UXS1: variants seen among roughly 807,000 people sequenced by gnomAD.
The protein encoded by UXS1 is UDP-glucuronate decarboxylase 1.
Under a neutral mutation model 62.6 loss-of-function variants are expected in UXS1, and 33 were observed. That is an observed-to-expected ratio of 0.53 (90% CI 0.40 to 0.70). The LOEUF (loss-of-function observed/expected upper bound fraction) is 0.70. Ranked by LOEUF, UXS1 falls within the 30% of genes least tolerant of loss-of-function variation. The pLI is 0.00. For missense variants in UXS1, 434 were observed against 556.3 expected, an observed-to-expected ratio of 0.78 and a Z score of 2.21; for synonymous variants, 213 against 206.8, an observed-to-expected ratio of 1.03 and a Z score of -0.26.
intron 6 of UXS1, among the ~76,000 whole-genome samples, chr2:106,136,717 T>A (rs1680662739): frequency 2.0e-5 from 1 of 50,632 alleles, no homozygotes; most frequent in Non-Finnish European, 3.7e-5. Flanking sequence ...AACAATGAGA[T>A]CACATGGACA....
chr2:106,145,783 G>T (rs960230817), intron 5 of UXS1, among the ~76,000 whole-genome samples: 2 of 152,146 alleles, frequency 1.3e-5, no homozygotes, highest in African/African-American at 4.8e-5. Context: ...TTAGCAAAAT[G>T]CAGAGATTTG....
intron 14 of UXS1, 95 bp downstream of exon 14, chr2:106,096,622 CG>C: frequency 8.5e-7 from 1 of 1,175,612 alleles, no homozygotes; most frequent in Non-Finnish European, 1.2e-6. Context: ...CTTGCTCCTC[CG>C]GGGGCTGTCT....
intron 1 of UXS1, 77 bp downstream of exon 1, chr2:106,194,071 C>G (rs1272077261): frequency 3.2e-6 from 4 of 1,267,112 alleles, no homozygotes; most frequent in South Asian, 3.5e-5. Flanking sequence ...CTCGGGGCCC[C>G]GAACCACCGC....
chr2:106,157,879 TC>T (rs1165562516), intron 5 of UXS1, among the ~76,000 whole-genome samples, 178 bp downstream of exon 5: 6 of 152,194 alleles, frequency 3.9e-5, no homozygotes, highest in African/African-American at 1.4e-4. Flanking sequence ...AGTACAGGAC[TC>T]TTTTTTGGGG....
chr2:106,124,468 T>G (rs1284799845), intron 8 of UXS1, among the ~76,000 whole-genome samples: 1 of 152,232 alleles, frequency 6.6e-6, no homozygotes, highest in Non-Finnish European at 1.5e-5. Context: ...TCATCTCCCC[T>G]TTCCAGCATT....
intron 5 of UXS1, among the ~76,000 whole-genome samples, chr2:106,155,300 CA>C (rs1035574600): frequency 1.3e-5 from 2 of 152,048 alleles, no homozygotes; most frequent in Non-Finnish European, 2.9e-5. Context: ...CCTAGATAAA[CA>C]AAAAATGAGA....
intron 9 of UXS1, among the ~76,000 whole-genome samples, chr2:106,114,390 T>C (rs1353463830): frequency 6.6e-6 from 1 of 152,008 alleles, no homozygotes. Context: ...AACTAATGAG[T>C]GTATTAAAAA....
chr2:106,129,959 G>A (rs1030443063), intron 6 of UXS1, among the ~76,000 whole-genome samples, 181 bp from the exon 7 acceptor site: 7 of 152,244 alleles, frequency 4.6e-5, no homozygotes, highest in African/African-American at 1.7e-4. Context: ...AAAATAGAAA[G>A]TCTAATTATT....
At chr2:106,193,910 G>A (rs1685098951) in intron 1 of UXS1, among the ~76,000 whole-genome samples, 1 of 151,842 alleles carries the variant, frequency 6.6e-6, no homozygotes, top group Non-Finnish European at 1.5e-5. Context: ...AGGACTGCTA[G>A]GGGCCCCTCC....
At chr2:106,168,123 T>G (rs956571231) in intron 1 of UXS1, among the ~76,000 whole-genome samples, 4 of 152,104 alleles carry the variant, frequency 2.6e-5, no homozygotes, top group Admixed American at 6.5e-5. Flanking sequence ...ACCACACCAT[T>G]GCACTCCAGC....
intron 9 of UXS1, among the ~76,000 whole-genome samples, chr2:106,114,653 C>T (rs547382007): frequency 2.0e-5 from 3 of 152,300 alleles, no homozygotes; most frequent in East Asian, 1.9e-4. Context: ...AACAATATTC[C>T]GGAACATGGC....
intron 1 of UXS1, among the ~76,000 whole-genome samples, chr2:106,170,036 G>A (rs1193712782): frequency 6.6e-6 from 1 of 152,110 alleles, no homozygotes; most frequent in Non-Finnish European, 1.5e-5. Context: ...GATGCACCTG[G>A]AGACGTGCCC....
chr2:106,128,693 G>C (rs1461296065), intron 7 of UXS1, among the ~76,000 whole-genome samples: 2 of 152,146 alleles, frequency 1.3e-5, no homozygotes, highest in South Asian at 4.1e-4. Context: ...AATCATGTGA[G>C]CCAATCTCTC....
intron 1 of UXS1, among the ~76,000 whole-genome samples, chr2:106,178,059 A>G (rs915622561): frequency 6.6e-6 from 1 of 152,228 alleles, no homozygotes; most frequent in Admixed American, 6.5e-5. Flanking sequence ...CGCAGGCGCT[A>G]CTAAATTCTA....
chr2:106,127,244 T>C (rs1297423980), intron 7 of UXS1, among the ~76,000 whole-genome samples: 10 of 152,206 alleles, frequency 6.6e-5, no homozygotes. Flanking sequence ...TTCATTTCTC[T>C]GGGAGAAATG....
chr2:106,137,609 T>G (rs1051659016), intron 6 of UXS1, among the ~76,000 whole-genome samples: 1 of 151,250 alleles, frequency 6.6e-6, no homozygotes, highest in Admixed American at 6.6e-5. Context: ...GCCAACATGG[T>G]GAAACCCGTC....
At chr2:106,104,093 A>C (rs1466304156) in intron 11 of UXS1, among the ~76,000 whole-genome samples, 2 of 152,222 alleles carry the variant, frequency 1.3e-5, no homozygotes, top group Non-Finnish European at 2.9e-5. Flanking sequence ...ATGTGGGTTC[A>C]AAATATAGAA....
chr2:106,188,926 T>TAC (rs1684748561), intron 1 of UXS1, among the ~76,000 whole-genome samples: 1 of 152,160 alleles, frequency 6.6e-6, no homozygotes, highest in Non-Finnish European at 1.5e-5. Flanking sequence ...TTTAAAAAAG[T>TAC]TCACAGAACA....
At chr2:106,128,795 T>C (rs183926409) in intron 7 of UXS1, among the ~76,000 whole-genome samples, 2 of 152,318 alleles carry the variant, frequency 1.3e-5, no homozygotes, top group Admixed American at 1.3e-4. Context: ...AAATATTGCA[T>C]CTAAGAGATA....
Sources: allele counts gnomAD v4.1 joint callset (sites outside exome capture counted in the v4.1 genomes callset), GRCh38; gene constraint gnomAD v4.1.1; transcripts MANE v1.5; gene names NCBI Gene and HGNC (gene_info 2026-07-23, HGNC 2026-07-21).